The following CSF2RA variants were observed in gnomAD, a reference collection of about 807,000 sequenced individuals.
The protein encoded by CSF2RA is colony stimulating factor 2 receptor subunit alpha, also known as granulocyte-macrophage colony-stimulating factor receptor subunit alpha.
Under a neutral mutation model 51.6 loss-of-function variants are expected in CSF2RA, and 42 were observed. The ratio of observed to expected loss-of-function variants is 0.81; its 90% confidence interval spans 0.64 to 1.05. CSF2RA has a LOEUF of 1.05. Ranked by LOEUF, CSF2RA falls within the 50% of genes least tolerant of loss-of-function variation. CSF2RA has a pLI of 0.00. For missense variants in CSF2RA, 530 were observed against 501.1 expected (o/e 1.06, Z -0.55); for synonymous variants, 222 against 193.0 (o/e 1.15, Z -1.24).
chrX:1,323,165 TAAAA>T, the CSF2RA span, among the ~76,000 whole-genome samples: 140 of 145,176 alleles, frequency 9.6e-4, no homozygotes, highest in African/African-American at 3.9e-3. Context: ...AATTATAAAA[TAAAA>T]TAAAATAAAA....
chrX:1,289,802 T>C (rs1253052856), intron 6 of CSF2RA, among the ~76,000 whole-genome samples: 1 of 140,162 alleles, frequency 7.1e-6, no homozygotes, highest in East Asian at 2.0e-4. Context: ...TTGTTTTGTG[T>C]TTTTGTGTTT....
chrX:1,305,365 A>T, intron 11 of CSF2RA, 81 bp from the exon 12 acceptor site: 1 of 1,483,028 alleles, frequency 6.7e-7, no homozygotes, highest in Non-Finnish European at 9.4e-7. Flanking sequence ...CGCACGCAGC[A>T]TCCCTCGGCA....
In CSF2RA at chrX:1,304,003, G is replaced by C; in HGVS notation, c.1027G>C (p.Gly343Arg). 6.2e-7 allele frequency: 1 copy of C among 1,612,490 alleles called. No individual in the cohort carries two copies. Among genetic ancestry groups the C allele is most frequent in the Non-Finnish European group, 8.5e-7 (1 of 1,179,618 alleles). ...VGTLVCGIVL[G>R]FLFKRFLRIQ... ...AACCCTTGTCTGTGGCATCGTCCTC[G>C]GCTTCCTCTTTAAAAGGTAACCTGT... The change falls in exon 11 of 13, where the codon GGC becomes CGC. Residue 343 changes from glycine to arginine, a missense_variant. Gly to Arg is a moderately radical substitution (Grantham distance 125). Coordinates refer to ENST00000381529, the MANE Select transcript of CSF2RA (RefSeq NM_172245.4).
At chrX:1,274,999 CCTCT>C (rs1271451195) in intron 2 of CSF2RA, among the ~76,000 whole-genome samples, 181 bp downstream of exon 2, 4 of 151,604 alleles carry the variant, frequency 2.6e-5, no homozygotes, top group East Asian at 3.9e-4. Flanking sequence ...TGTCACGTTC[CCTCT>C]GAGACAGTAC....
chrX:1,306,647 A>AAAAAC (rs1305453992), intron 12 of CSF2RA, among the ~76,000 whole-genome samples: 2 of 152,122 alleles, frequency 1.3e-5, no homozygotes, highest in South Asian at 2.1e-4. Flanking sequence ...ACTCTCTATC[A>AAAAAC]AAAACAAAAC....
chrX:1,277,993 A>T (rs1336140192), intron 2 of CSF2RA, among the ~76,000 whole-genome samples: 8 of 141,112 alleles, frequency 5.7e-5, no homozygotes, highest in South Asian at 2.3e-4. Flanking sequence ...AAAAAAAAAA[A>T]TTTCAGGGCG....
At chrX:1,304,933 G>A (rs1412862629) in intron 11 of CSF2RA, among the ~76,000 whole-genome samples, 1 of 150,458 alleles carries the variant, frequency 6.6e-6, no homozygotes, top group Admixed American at 6.7e-5. Context: ...CCAAAGTGCT[G>A]GGATTACAGG....
downstream of CSF2RA, among the ~76,000 whole-genome samples, chrX:1,313,767 T>A (rs1436098315): frequency 2.6e-5 from 4 of 151,534 alleles, no homozygotes; most frequent in African/African-American, 7.3e-5. Flanking sequence ...GGTGGGCAGA[T>A]CACCTGAGGT....
downstream of CSF2RA, among the ~76,000 whole-genome samples, chrX:1,314,284 C>CTCTG (rs1331046517): frequency 6.5e-3 from 635 of 98,382 alleles, 135 homozygotes; most frequent in East Asian, 0.051. Context: ...CCCAACCCCA[C>CTCTG]TGCATCTGCC....
chrX:1,300,325 C>A, intron 9 of CSF2RA, 166 bp from the exon 10 acceptor site: 1 of 819,000 alleles, frequency 1.2e-6, no homozygotes, highest in Non-Finnish European at 2.0e-6. Flanking sequence ...CTCTGCTTAG[C>A]TTCGAAGACC....
At chrX:1,289,003 C>T (rs1465795716) in intron 6 of CSF2RA, 115 bp downstream of exon 6, 3 of 1,444,980 alleles carry the variant, frequency 2.1e-6, no homozygotes, top group Non-Finnish European at 2.9e-6. Context: ...GCTCTGTTGC[C>T]CAGGCTGCAA....
chrX:1,290,657 G>C (rs2091313598), intron 7 of CSF2RA, 148 bp downstream of exon 7: 3 of 831,202 alleles, frequency 3.6e-6, no homozygotes, highest in Non-Finnish European at 6.3e-6. Flanking sequence ...CTGAGATCGG[G>C]TGTTCAAAAC....
intron 1 of CSF2RA, among the ~76,000 whole-genome samples, chrX:1,274,485 C>G (rs1355442745): frequency 6.6e-6 from 1 of 150,420 alleles, no homozygotes; most frequent in Non-Finnish European, 1.5e-5. Context: ...CTACCGCGCC[C>G]AGCTAATTTT....
chrX:1,319,881 ATTTGTTTG>A, the CSF2RA span, among the ~76,000 whole-genome samples: 10,630 of 147,392 alleles, frequency 0.072, 1,336 homozygotes, highest in African/African-American at 0.25. Context: ...CGCCTGGCTA[ATTTGTTTG>A]TTTGTTTGTT....
In CSF2RA at chrX:1,285,890, T is replaced by C; in HGVS notation, c.189T>C (p.Thr63=). 6.2e-7 allele frequency: 1 copy of C among 1,613,898 alleles called. No individual in the cohort carries two copies. Among genetic ancestry groups the C allele is most frequent in the Non-Finnish European group, 8.5e-7 (1 of 1,179,848 alleles). Residue 63 remains threonine, a synonymous_variant, in exon 4 of 13, where the codon ACT becomes ACC. Transcript: ENST00000381529. ...CAACCTTCAGCAAGTGTTTCTTAAC[T>C]GACAAGAAGAACAGAGTCGTGGAAC... ...ENTTFSKCFL[T]DKKNRVVEPR... is the part of the protein sequence containing the mutation.
At chrX:1,281,074 CCTCCTCCTTCTCCTCCTGCTCCCCTT>C (rs2089959626) in intron 2 of CSF2RA, among the ~76,000 whole-genome samples, 1 of 82,432 alleles carries the variant, frequency 1.2e-5, no homozygotes, top group Non-Finnish European at 2.4e-5. Context: ...TCCTTCTCCT[CCTCCTCCTTCTCCTCCTGCTCCCCTT>C]CTCCTCCTCC....
chrX:1,280,853 T>TCTCCTC (rs375893469), intron 2 of CSF2RA, among the ~76,000 whole-genome samples: 30 of 76,808 alleles, frequency 3.9e-4, no homozygotes, highest in East Asian at 1.1e-3. Flanking sequence ...TTCCTCTCCT[T>TCTCCTC]CTCCTCCTCC....
intron 1 of CSF2RA, among the ~76,000 whole-genome samples, chrX:1,271,456 T>C (rs1276348032): frequency 4.7e-5 from 7 of 147,804 alleles, no homozygotes; most frequent in East Asian, 2.1e-4. Context: ...TCTCCTGCAT[T>C]AGCCTCCTGA....
intron 9 of CSF2RA, 78 bp from the exon 10 acceptor site, chrX:1,300,413 A>T: frequency 6.5e-7 from 1 of 1,537,654 alleles, no homozygotes; most frequent in South Asian, 1.2e-5. Context: ...AAAACTTAAA[A>T]GACAAAAGAA....
Sources: allele counts gnomAD v4.1 joint callset (sites outside exome capture counted in the v4.1 genomes callset), GRCh38; gene constraint gnomAD v4.1.1; transcripts MANE v1.5; gene names NCBI Gene and HGNC (gene_info 2026-07-23, HGNC 2026-07-21).